Variants in NRXN3 observed in about 807,000 individuals in gnomAD.
The protein encoded by NRXN3 is neurexin III.
In NRXN3, 32 loss-of-function variants were observed where a neutral mutation model predicts 137.6. That is an observed-to-expected ratio of 0.23 (90% CI 0.18 to 0.31). NRXN3 has a LOEUF of 0.31. Ranked by LOEUF, NRXN3 falls within the 10% of genes least tolerant of loss-of-function variation. NRXN3 has a pLI of 1.00. For synonymous variants in NRXN3, 798 were observed against 784.5 expected (o/e 1.02, Z -0.29); for missense variants, 1,574 against 2,062.5 (o/e 0.76, Z 4.59).
chr14:78,498,814 G>C (rs532511342), intron 4 of NRXN3, among the ~76,000 whole-genome samples: 150 of 151,058 alleles, frequency 9.9e-4, no homozygotes, highest in Non-Finnish European at 1.9e-3. Context: ...TTTTTGAGAT[G>C]GGGGTCTCAC....
intron 15 of NRXN3, among the ~76,000 whole-genome samples, chr14:79,255,326 G>A (rs1318986114): frequency 6.6e-6 from 1 of 152,140 alleles, no homozygotes; most frequent in Non-Finnish European, 1.5e-5. Context: ...TCCTAGCAGG[G>A]ACTAATACTA....
At chr14:78,285,484 A>G (rs1345143881) in intron 3 of NRXN3, among the ~76,000 whole-genome samples, 3 of 152,172 alleles carry the variant, frequency 2.0e-5, no homozygotes, top group Non-Finnish European at 2.9e-5. Flanking sequence ...TAAGTACCTC[A>G]CTGATACAAC....
intron 4 of NRXN3, among the ~76,000 whole-genome samples, chr14:78,555,581 T>C (rs2096730129): frequency 1.3e-5 from 2 of 152,232 alleles, no homozygotes; most frequent in African/African-American, 4.8e-5. Context: ...ACTTTTGACT[T>C]GAACAGTCAC....
intron 6 of NRXN3, among the ~76,000 whole-genome samples, chr14:78,657,135 A>T (rs1286402263): frequency 2.6e-5 from 4 of 151,056 alleles, no homozygotes; most frequent in African/African-American, 7.3e-5. Flanking sequence ...GAATTTTAAC[A>T]TTACTGCAGA....
rs1385926640 is a variant in NRXN3 at position 79,185,552 on chromosome 14, A to G, written c.3262+197411A>G. Reference sequence around the variant, plus strand: ...ACAATCTTGGCTCACTGCAAGCTCCAGCTCCTGGGTTCACGCCATTCTCCT... The same window carrying G: ...ACAATCTTGGCTCACTGCAAGCTCCGGCTCCTGGGTTCACGCCATTCTCCT... On this transcript the variant is annotated intron_variant, in intron 15 of 20. Transcript: ENST00000335750. Among the ~76,000 whole-genome samples the G allele has an allele frequency of 5.3e-5, 8 of 150,198 alleles. No individual in the cohort carries two copies. The South Asian group carries it at 8.4e-4, about 16-fold the overall frequency.
At chr14:78,928,585 A>G (rs2099312840) in intron 10 of NRXN3, among the ~76,000 whole-genome samples, 1 of 152,082 alleles carries the variant, frequency 6.6e-6, no homozygotes, top group Admixed American at 6.6e-5. Flanking sequence ...TTTGCTCAGA[A>G]TGATGGTTTC....
intron 10 of NRXN3, among the ~76,000 whole-genome samples, chr14:78,928,581 C>G (rs904971917): frequency 2.6e-5 from 4 of 151,950 alleles, no homozygotes; most frequent in African/African-American, 7.3e-5. Flanking sequence ...ATAGTTTGCT[C>G]AGAATGATGG....
intron 15 of NRXN3, among the ~76,000 whole-genome samples, chr14:79,022,929 C>A (rs1458682589): frequency 6.6e-6 from 1 of 152,042 alleles, no homozygotes; most frequent in Non-Finnish European, 1.5e-5. Flanking sequence ...CAAGTGTCAA[C>A]TGTATAAAGT....
rs926448729 is a variant in NRXN3, at chr14:78,757,386, C to T, written c.2044+42247C>T. Among the ~76,000 whole-genome samples the T allele has an allele frequency of 4.6e-4, 65 of 140,874 alleles. 1 individual carries two copies. Among genetic ancestry groups the T allele is most frequent in the Non-Finnish European group, 7.4e-5 (5 of 67,232 alleles). 92.4% of individuals were successfully genotyped at this position (140,874 alleles called of 152,430 possible). A position where few individuals can be genotyped will look rare whatever the true frequency, so the allele number is the denominator to read the frequency against. On this transcript the variant is annotated intron_variant, in intron 8 of 20. Transcript: ENST00000335750. ...GATCGCCACTGCACTCCAGCCTGGG[C>T]GACAGAGAGAGATTCCATCTCTTAA...
At chr14:78,644,846 T>C (rs1342333156) in intron 4 of NRXN3, among the ~76,000 whole-genome samples, 1 of 152,236 alleles carries the variant, frequency 6.6e-6, no homozygotes. Flanking sequence ...TAGGTTTTTC[T>C]TGAGAAAATT....
intron 10 of NRXN3, among the ~76,000 whole-genome samples, chr14:78,954,122 T>C (rs183845755): frequency 1.3e-5 from 2 of 152,294 alleles, no homozygotes; most frequent in African/African-American, 4.8e-5. Flanking sequence ...GCATTACTTA[T>C]CAATTCACTT....
At chr14:79,622,741 C>A (rs2098238301) in intron 16 of NRXN3, among the ~76,000 whole-genome samples, 1 of 152,034 alleles carries the variant, frequency 6.6e-6, no homozygotes, top group Non-Finnish European at 1.5e-5. Flanking sequence ...GGACTACAGG[C>A]ATGTGACACC....
intron 15 of NRXN3, among the ~76,000 whole-genome samples, chr14:79,463,410 T>C (rs2096378682): frequency 6.6e-6 from 1 of 151,900 alleles, no homozygotes. Flanking sequence ...ATCAGCTCCA[T>C]CACAGTAAGT....
chr14:78,521,893 T>C (rs2096289607), intron 4 of NRXN3, among the ~76,000 whole-genome samples: 1 of 152,204 alleles, frequency 6.6e-6, no homozygotes, highest in Non-Finnish European at 1.5e-5. Flanking sequence ...TTGTCCTTTA[T>C]TGTTTGAAAA....
chr14:79,066,407 T>C (rs1329818155), intron 15 of NRXN3, among the ~76,000 whole-genome samples: 1 of 152,196 alleles, frequency 6.6e-6, no homozygotes, highest in Non-Finnish European at 1.5e-5. Flanking sequence ...TAGAATAGTT[T>C]AAAGTCAGGT....
intron 15 of NRXN3, among the ~76,000 whole-genome samples, chr14:79,132,113 A>G (rs1191747008): frequency 2.6e-5 from 4 of 152,250 alleles, no homozygotes; most frequent in African/African-American, 2.4e-5. Context: ...GGTACCTCAG[A>G]TGGAAATGCA....
chr14:78,997,561 T>C (rs1400567233), intron 15 of NRXN3, among the ~76,000 whole-genome samples: 2 of 152,236 alleles, frequency 1.3e-5, no homozygotes, highest in Non-Finnish European at 2.9e-5. Flanking sequence ...TCTAAATTAC[T>C]TTACTTTGTC....
chr14:78,345,105 A>C (rs1330420796), intron 4 of NRXN3, among the ~76,000 whole-genome samples: 1 of 152,134 alleles, frequency 6.6e-6, no homozygotes, highest in Non-Finnish European at 1.5e-5. Context: ...GCACATGCGC[A>C]TGTGTGTGTG....
Position 79,499,956 on chromosome 14 carries a change from C to CGTGTGTGTGT in NRXN3, c.3444+32581_3444+32590dup, listed in dbSNP as rs35371414. On this transcript the variant is annotated intron_variant, in intron 16 of 20. Transcript: ENST00000335750. ...GGTTTTCTGTCAGTTATCTTAGGGTCGTGTGTGTGTGTGTGTGTGTGTGTG... is the reference window on the plus strand; with the variant it reads ...GGTTTTCTGTCAGTTATCTTAGGGTCGTGTGTGTGTGTGTGTGTGTGTGTGTGTGTGTGTG... 3.9e-3 allele frequency among the ~76,000 whole-genome samples: 566 copies of CGTGTGTGTGT among 145,226 alleles called. 10 individuals are homozygous for CGTGTGTGTGT. Among genetic ancestry groups the CGTGTGTGTGT allele is most frequent in the South Asian group, 0.017 (76 of 4,366 alleles).
Sources: gnomAD v4.1 joint callset for allele counts (sites outside exome capture counted in the v4.1 genomes callset) on GRCh38, gnomAD v4.1.1 for gene constraint, MANE v1.5 for transcripts, NCBI Gene and HGNC (gene_info 2026-07-23, HGNC 2026-07-21) for gene names.